KPNA4: variants seen among roughly 807,000 people sequenced by gnomAD.
KPNA4 encodes importin subunit alpha-3.
In KPNA4, 13 loss-of-function variants were observed where a neutral mutation model predicts 71.3. The observed-to-expected ratio is 0.18, with a 90% CI of 0.12 to 0.29. The LOEUF is 0.29. Ranked by LOEUF, KPNA4 falls within the 10% of genes least tolerant of loss-of-function variation. The pLI, the probability that KPNA4 is intolerant of heterozygous loss-of-function variation, is 1.00. For synonymous variants in KPNA4, 189 were observed against 195.2 expected, an observed-to-expected ratio of 0.97 and a Z score of 0.26; for missense variants, 334 against 603.2, an observed-to-expected ratio of 0.55 and a Z score of 4.67.
intron 7 of KPNA4, among the ~76,000 whole-genome samples, chr3:160,528,935 GGTTT>G (rs144790345): frequency 1.3e-3 from 203 of 152,154 alleles, no homozygotes; most frequent in Middle Eastern, 0.01. Context: ...TTCACTTATG[GGTTT>G]GTTTTTGAGA....
Position 160,535,531 on chromosome 3 carries a change from C to T in KPNA4, c.269G>A (p.Ser90Asn), listed in dbSNP as rs1721671384. 6.2e-7 allele frequency: 1 copy of T among 1,602,424 alleles called. No individual in the cohort carries two copies. Among genetic ancestry groups the T allele is most frequent in the African/African-American group, 1.3e-5 (1 of 74,604 alleles). Residue 90 changes from serine (S) to asparagine (N), a missense_variant, in exon 5 of 17, where the codon AGT becomes AAT. Ser to Asn is a conservative substitution (Grantham distance 46). Coordinates refer to ENST00000334256, the MANE Select transcript of KPNA4 (RefSeq NM_002268.5). ...ASSDNQGIQL[S>N]AVQAARKLLS... ...AACTTACCTAGCAGCTTGAACTGCACTTAATTGAATTCCTTGGTTATCACT... is the reference window on the plus strand; with the variant it reads ...AACTTACCTAGCAGCTTGAACTGCATTTAATTGAATTCCTTGGTTATCACT...
At chr3:160,537,855 A>C (rs951785808) in intron 1 of KPNA4, among the ~76,000 whole-genome samples, 17 of 151,818 alleles carry the variant, frequency 1.1e-4, no homozygotes, top group African/African-American at 2.4e-5. Context: ...CCAAACACAT[A>C]TCACTGCCTC....
At chr3:160,503,854 G>A (rs1483093270) in intron 16 of KPNA4, among the ~76,000 whole-genome samples, 1 of 152,132 alleles carries the variant, frequency 6.6e-6, no homozygotes, top group East Asian at 1.9e-4. Context: ...AGGCCAAGAT[G>A]GGAGAATTGT....
chr3:160,552,512 G>T (rs1422413440), intron 1 of KPNA4, among the ~76,000 whole-genome samples: 2 of 152,048 alleles, frequency 1.3e-5, no homozygotes, highest in African/African-American at 4.8e-5. Flanking sequence ...AGAATATAGT[G>T]GTGTACAAAA....
intron 1 of KPNA4, among the ~76,000 whole-genome samples, chr3:160,562,572 T>G (rs1389912868): frequency 6.6e-6 from 1 of 152,200 alleles, no homozygotes. Flanking sequence ...ATACACAAAG[T>G]AGACCACTGT....
intron 1 of KPNA4, among the ~76,000 whole-genome samples, chr3:160,543,550 C>T (rs1220425213): frequency 6.6e-6 from 1 of 152,128 alleles, no homozygotes; most frequent in Non-Finnish European, 1.5e-5. Context: ...CCAGGCTAGT[C>T]TCGAACTCCT....
rs1720865070 is a variant in KPNA4 at position 160,500,938 on chromosome 3, T to G, written c.*1166A>C. On this transcript the variant is annotated 3_prime_UTR_variant, in exon 17 of 17. Transcript: ENST00000334256. ...ACAACTGAAACTTTTTTCTTCTTCT[T>G]CTTTACAGGACTCAACAAAATCTAA... 1 of 152,600 alleles carries G rather than the reference T, an allele frequency of 6.6e-6. No homozygotes were observed. The highest frequency in any genetic ancestry group is 2.4e-5 in the African/African-American group (1 of 41,440). 9.5% of individuals were successfully genotyped at this position (152,600 alleles called of 1,614,324 possible). A position where few individuals can be genotyped will look rare whatever the true frequency, so the allele number is the denominator to read the frequency against.
intron 11 of KPNA4, among the ~76,000 whole-genome samples, chr3:160,516,456 AC>A (rs1721225541): frequency 6.6e-6 from 1 of 150,822 alleles, no homozygotes; most frequent in East Asian, 1.9e-4. Flanking sequence ...AAAAAAAAAG[AC>A]AGAACTTTAG....
rs1196384714 is a variant in KPNA4 at position 160,515,435 on chromosome 3, T to C, written c.1032+17A>G. The C allele has an allele frequency of 6.3e-7, 1 of 1,593,886 alleles. No homozygotes were observed. The highest frequency in any genetic ancestry group is 8.6e-7 in the Non-Finnish European group (1 of 1,165,836). On this transcript the variant is annotated intron_variant, in intron 12 of 16. Coordinates refer to ENST00000334256, the MANE Select transcript of KPNA4 (RefSeq NM_002268.5). ...ATTTTAAGTGCTATCTATTAAGTAG[T>C]ATTTAATAGTACTTACTTTATTAAT...
chr3:160,526,675 C>T (rs2108550550), intron 8 of KPNA4, among the ~76,000 whole-genome samples: 1 of 152,340 alleles, frequency 6.6e-6, no homozygotes, highest in East Asian at 1.9e-4. Flanking sequence ...AGAACCACTG[C>T]TGCAGAGAAC....
In KPNA4 at chr3:160,530,916, T is replaced by C. The variant is rs1388465796; in HGVS notation, c.408A>G (p.Ala136=). Residue 136 remains alanine, a synonymous_variant, in exon 7 of 17, where the codon GCA becomes GCG. Transcript: ENST00000334256. ...DDNPSLQFEA[A]WALTNIASGT... ...CAGATGCAATGTTTGTCAAAGCCCA[T>C]GCAGCTTCAAACTGTAAAGAAGGAC... 6.2e-7 allele frequency: 1 copy of C among 1,612,384 alleles called. No homozygotes were observed.
At chr3:160,527,813 C>T in intron 8 of KPNA4, 140 bp downstream of exon 8, 2 of 539,254 alleles carry the variant, frequency 3.7e-6, no homozygotes, top group Non-Finnish European at 6.7e-6. Flanking sequence ...TACAGTAATA[C>T]AGTTCAAATT....
rs573628056 is a variant in KPNA4, at chr3:160,558,164, T to C, written c.69+7050A>G. ...AGCATTTAGTAACCCACTTAAAACA[T>C]AGGATTAAAGAAATGAAGTCATAAA... On this transcript the variant is annotated intron_variant, in intron 1 of 16. Coordinates refer to ENST00000334256, the MANE Select transcript of KPNA4 (RefSeq NM_002268.5). Among the ~76,000 whole-genome samples, 16 of 152,242 alleles carry C rather than the reference T, an allele frequency of 1.1e-4. No individual in the cohort carries two copies. The South Asian group carries it at 2.3e-3, about 22-fold the overall frequency.
intron 1 of KPNA4, among the ~76,000 whole-genome samples, chr3:160,551,714 T>C (rs756426736): frequency 6.6e-6 from 1 of 152,204 alleles, no homozygotes; most frequent in South Asian, 2.1e-4. Context: ...AAATATCTGT[T>C]AAACCAAATT....
chr3:160,539,174 C>G (rs993005997), intron 1 of KPNA4, among the ~76,000 whole-genome samples: 4 of 151,978 alleles, frequency 2.6e-5, no homozygotes, highest in African/African-American at 9.7e-5. Flanking sequence ...GGTACTTTCT[C>G]TCTCTCTCTC....
intron 1 of KPNA4, among the ~76,000 whole-genome samples, chr3:160,549,147 T>C (rs780451346): frequency 6.6e-6 from 1 of 152,202 alleles, no homozygotes; most frequent in East Asian, 1.9e-4. Context: ...GTTTTTGCTA[T>C]TGTTGAGTTT....
intron 1 of KPNA4, among the ~76,000 whole-genome samples, chr3:160,563,919 A>T (rs373288113): frequency 6.6e-6 from 1 of 152,168 alleles, no homozygotes; most frequent in East Asian, 1.9e-4. Context: ...AAACCCACTA[A>T]AACGCTTGAA....
chr3:160,537,194 C>T (rs892494788), intron 1 of KPNA4, among the ~76,000 whole-genome samples: 5 of 151,178 alleles, frequency 3.3e-5, no homozygotes, highest in African/African-American at 9.7e-5. Flanking sequence ...AAATAACACA[C>T]GTACAAGATT....
At chr3:160,544,672 C>T (rs1433221133) in intron 1 of KPNA4, among the ~76,000 whole-genome samples, 1 of 152,000 alleles carries the variant, frequency 6.6e-6, no homozygotes, top group Non-Finnish European at 1.5e-5. Flanking sequence ...GAAAAATTAC[C>T]GAAGAAGAGT....
Sources: gnomAD v4.1 joint callset for allele counts (sites outside exome capture counted in the v4.1 genomes callset) on GRCh38, gnomAD v4.1.1 for gene constraint, MANE v1.5 for transcripts, NCBI Gene and HGNC (gene_info 2026-07-23, HGNC 2026-07-21) for gene names.